TNNT1: variants seen among roughly 807,000 people sequenced by gnomAD.
TNNT1 encodes the protein troponin T, slow skeletal muscle.
In TNNT1, 53 loss-of-function variants were observed where a neutral mutation model predicts 50.6. The ratio of observed to expected loss-of-function variants is 1.05; its 90% confidence interval spans 0.84 to 1.32. The LOEUF is 1.32. Among genes scored for constraint, TNNT1 ranks in the 40% most tolerant of loss-of-function variants. The pLI, the probability that TNNT1 is intolerant of heterozygous loss-of-function variation, is 0.00. For missense variants in TNNT1, 348 were observed against 381.7 expected, an observed-to-expected ratio of 0.91 and a Z score of 0.74; for synonymous variants, 142 against 138.0, an observed-to-expected ratio of 1.03 and a Z score of -0.20.
intron 7 of TNNT1, among the ~76,000 whole-genome samples, chr19:55,141,579 G>A (rs1260009765): frequency 6.6e-6 from 1 of 151,570 alleles, no homozygotes; most frequent in African/African-American, 2.4e-5. Flanking sequence ...CGCCTCCCAG[G>A]TTCAAGCGAT....
intron 2 of TNNT1, 22 bp downstream of exon 2, chr19:55,147,103 AC>A (rs1568849802): frequency 1.2e-6 from 2 of 1,613,226 alleles, no homozygotes; most frequent in Non-Finnish European, 1.7e-6. Context: ...GCACGCCCCA[AC>A]CCCTCCCAGT....
chr19:55,137,392 G>A (rs1032790989), intron 10 of TNNT1, among the ~76,000 whole-genome samples, 180 bp from the exon 11 acceptor site: 2 of 151,206 alleles, frequency 1.3e-5, no homozygotes, highest in African/African-American at 4.9e-5. Flanking sequence ...CTCAGATTCA[G>A]GAGGAGTCCA....
chr19:55,138,984 G>A (rs149281095), intron 9 of TNNT1, among the ~76,000 whole-genome samples: 7 of 152,202 alleles, frequency 4.6e-5, no homozygotes, highest in African/African-American at 1.4e-4. Flanking sequence ...CCAGCACTCC[G>A]TACCTGAATT....
chr19:55,145,390 G>T, intron 6 of TNNT1, 154 bp downstream of exon 6: 1 of 700,922 alleles, frequency 1.4e-6, no homozygotes, highest in Non-Finnish European at 2.6e-6. Flanking sequence ...GAGGGAGGAG[G>T]GAAAGGGGGA....
At chr19:55,144,771 G>T (rs550804753) in intron 6 of TNNT1, among the ~76,000 whole-genome samples, 1 of 152,384 alleles carries the variant, frequency 6.6e-6, no homozygotes, top group African/African-American at 2.4e-5. Context: ...GCTGGAGCCA[G>T]ATGGGGAAGG....
At chr19:55,147,522 GGGGTCCT>G (rs1433920753) in intron 1 of TNNT1, among the ~76,000 whole-genome samples, 2 of 147,708 alleles carry the variant, frequency 1.4e-5, no homozygotes, top group East Asian at 4.1e-4. Context: ...AGGAGGGACT[GGGGTCCT>G]GAACTCCTGG....
At chr19:55,141,975 C>G (rs1300936157) in intron 6 of TNNT1, 55 bp from the exon 7 acceptor site, 1 of 1,576,478 alleles carries the variant, frequency 6.3e-7, no homozygotes, top group South Asian at 1.1e-5. Context: ...TGAGCCACCT[C>G]CCACCTCCGG....
In TNNT1 at chr19:55,132,723, A is replaced by G. The variant is rs890816621; in HGVS notation, c.*192T>C. 4.7e-6 allele frequency: 3 copies of G among 631,822 alleles called. No homozygotes were observed. The highest frequency in any genetic ancestry group is 1.8e-5 in the African/African-American group (1 of 54,640). The allele number at this position is 631,822 out of a possible 1,614,324, so 39.1% of individuals were successfully genotyped here. A position where few individuals can be genotyped will look rare whatever the true frequency, so the allele number is the denominator to read the frequency against. ...TGAAGGTTCAGCCTGCCGTACTTTA[A>G]TGATTATTGGTGACACTCTTTCAAG... On this transcript the variant is annotated 3_prime_UTR_variant, in exon 14 of 14. Coordinates refer to ENST00000588981, the MANE Select transcript of TNNT1 (RefSeq NM_003283.6).
intron 1 of TNNT1, chr19:55,147,925 G>A (rs898089635): frequency 4.9e-5 from 8 of 161,876 alleles, no homozygotes; most frequent in African/African-American, 1.7e-4. Context: ...GCGTCTGAGG[G>A]AGGAGGGCTC....
chr19:55,145,323 GAGAAGGGGAAGGGGAAGA>G, intron 6 of TNNT1: 1 of 603,946 alleles, frequency 1.7e-6, no homozygotes, highest in Non-Finnish European at 2.9e-6. Flanking sequence ...GAAGGAGAAG[GAGAAGGGGAAGGGGAAGA>G]AGAGGAAGTG....
chr19:55,140,648 G>A lies in TNNT1; in HGVS notation c.387+235C>T, dbSNP rs553570037. The A allele has an allele frequency of 2.4e-4, 49 of 207,138 alleles. No individual in the cohort carries two copies. The Middle Eastern group carries it at 6.6e-3, about 28-fold the overall frequency. 12.8% of individuals were successfully genotyped at this position (207,138 alleles called of 1,614,324 possible). A position where few individuals can be genotyped will look rare whatever the true frequency, so the allele number is the denominator to read the frequency against. On this transcript the variant is annotated intron_variant, in intron 9 of 13. Transcript: ENST00000588981. ...AAAATTTAGCCGGGCGTGGTGGTGC[G>A]CACCTGTAGTCCCAGCTACTGGGGA...
intron 10 of TNNT1, 44 bp downstream of exon 10, chr19:55,137,917 G>A (rs376663280): frequency 1.4e-5 from 23 of 1,611,006 alleles, no homozygotes; most frequent in African/African-American, 9.3e-5. Context: ...CCCAGCCCCT[G>A]CCCCCTCAGA....
chr19:55,137,337 G>T (rs1014418165), intron 10 of TNNT1, 125 bp from the exon 11 acceptor site: 9 of 687,384 alleles, frequency 1.3e-5, no homozygotes, highest in Admixed American at 4.2e-5. Context: ...TGCACCCCAG[G>T]CCCATCTCCT....
rs534454139 is a variant in TNNT1 at position 55,137,153 on chromosome 19, G to A, written c.561C>T (p.Ser187=). The part of the protein sequence containing the change: ...TGREMKVRIL[S]ERKKPLDIDY... ...CAATGTCCAGAGGCTTCTTACGCTC[G>A]GAGAGGATGCGCACCTTCATCTCCC... is the stretch of plus-strand genomic sequence containing the variant. The change falls in exon 11 of 14, where the codon TCC becomes TCT. Residue 187 remains serine (S), a synonymous_variant. Transcript: ENST00000588981. 2.7e-5 allele frequency: 44 copies of A among 1,610,238 alleles called. No individual in the cohort carries two copies. Among genetic ancestry groups the A allele is most frequent in the South Asian group, 2.4e-4 (22 of 90,968 alleles).
rs2085388206 is a variant in TNNT1, at chr19:55,138,179, C to A, written c.388-105G>T. The A allele has an allele frequency of 5.0e-6, 8 of 1,589,798 alleles. No individual in the cohort carries two copies. In the Admixed American group the frequency reaches 1.1e-4, roughly 21 times the overall value. ...ACAGGGATCAGCAGACCCAGTGCCG[C>A]AGAGGCTGCTGGGACATCAGAACCA... On this transcript the variant is annotated intron_variant, in intron 9 of 13. Coordinates refer to ENST00000588981, the MANE Select transcript of TNNT1 (RefSeq NM_003283.6).
rs1269467721 is a variant in TNNT1 at position 55,141,930 on chromosome 19, C to G, written c.129-10G>C. On this transcript the variant is annotated splice_polypyrimidine_tract_variant and intron_variant, in intron 6 of 13. Transcript: ENST00000588981. ...AGGCACCACGGGGCGGCTGAGTGGA[C>G]AGAAACACAGAGACCATGAGTGGCC... 1 of 1,613,904 alleles carries G rather than the reference C, an allele frequency of 6.2e-7. No homozygotes were observed. Among genetic ancestry groups the G allele is most frequent in the Admixed American group, 1.7e-5 (1 of 59,996 alleles).
intron 7 of TNNT1, 69 bp from the exon 8 acceptor site, chr19:55,141,371 C>G: frequency 1.7e-6 from 2 of 1,156,080 alleles, no homozygotes; most frequent in South Asian, 1.2e-5. Flanking sequence ...GCACCTCCCC[C>G]ATGCAGGATG....
intron 9 of TNNT1, among the ~76,000 whole-genome samples, chr19:55,138,972 AC>A (rs1387492598): frequency 1.3e-5 from 2 of 152,060 alleles, no homozygotes; most frequent in African/African-American, 4.8e-5. Flanking sequence ...CTTTTTGTAC[AC>A]CCAGCACTCC....
chr19:55,149,172 C>G lies in TNNT1; in HGVS notation c.-23G>C. 1 of 456,298 alleles carries G rather than the reference C, an allele frequency of 2.2e-6. No homozygotes were observed. The highest frequency in any genetic ancestry group is 4.4e-6 in the Non-Finnish European group (1 of 226,934). The allele number at this position is 456,298 out of a possible 1,614,324, so 28.3% of individuals were successfully genotyped here. On this transcript the variant is annotated 5_prime_UTR_variant, in exon 1 of 14. Coordinates refer to ENST00000588981, the MANE Select transcript of TNNT1 (RefSeq NM_003283.6). The stretch of plus-strand genomic sequence containing the variant: ...GCAGAGCCCCTTACCTAGGCTGTGT[C>G]TGAGATGCTGTGAATCTTGAGGCTG...
Sources: allele counts gnomAD v4.1 joint callset (sites outside exome capture counted in the v4.1 genomes callset), GRCh38; gene constraint gnomAD v4.1.1; transcripts MANE v1.5; gene names NCBI Gene and HGNC (gene_info 2026-07-23, HGNC 2026-07-21).